Variants in SRP72 observed in about 807,000 individuals in gnomAD.
SRP72 encodes the protein signal recognition particle 72, also known as signal recognition particle subunit SRP72.
In SRP72, 49 loss-of-function variants were observed where a neutral mutation model predicts 96.3. That is an observed-to-expected ratio of 0.51 (90% CI 0.40 to 0.65). The LOEUF (loss-of-function observed/expected upper bound fraction) is 0.65, where lower values mean the gene tolerates loss of function less well. Among genes scored for constraint, SRP72 ranks in the 30% least tolerant of loss-of-function variants. The probability of loss-of-function intolerance (pLI) is 0.00; values close to 1 mark genes in which losing one functional copy is unlikely to be tolerated. For missense variants in SRP72, 736 were observed against 793.3 expected (o/e 0.93, Z 0.87); for synonymous variants, 267 against 275.2 (o/e 0.97, Z 0.30).
Position 56,467,701 on chromosome 4 carries a change from C to T in SRP72, c.66C>T (p.Gly22=), listed in dbSNP as rs367683672. The T allele has an allele frequency of 2.8e-5, 44 of 1,560,800 alleles. No homozygotes were observed. Among genetic ancestry groups the T allele is most frequent in the Admixed American group, 1.2e-4 (6 of 50,764 alleles). ...TGTGGAGTGAAGTGAACCGGTATGG[C>T]CAGAACGGCGACTTCACGCGCGCTC... The part of the protein sequence containing the change: ...PALWSEVNRY[G]QNGDFTRALK... The change falls in exon 1 of 19, where the codon GGC becomes GGT. Residue 22 remains glycine (G), a synonymous_variant. Coordinates refer to ENST00000642900, the MANE Select transcript of SRP72 (RefSeq NM_006947.4).
chr4:56,487,842 T>C, intron 11 of SRP72, 107 bp from the exon 12 acceptor site: 1 of 774,492 alleles, frequency 1.3e-6, no homozygotes, highest in South Asian at 1.7e-5. Context: ...ACATGAGTTA[T>C]GGTTGCTTTC....
At chr4:56,477,531 G>A (rs1021060594) in intron 6 of SRP72, among the ~76,000 whole-genome samples, 5 of 151,722 alleles carry the variant, frequency 3.3e-5, no homozygotes, top group Admixed American at 2.0e-4. Context: ...GGCCTCAAGC[G>A]ACCCTCCCAC....
At chr4:56,492,518 A>G (rs1057295514) in intron 16 of SRP72, among the ~76,000 whole-genome samples, 1 of 152,208 alleles carries the variant, frequency 6.6e-6, no homozygotes, top group African/African-American at 2.4e-5. Flanking sequence ...TGTGACTTTT[A>G]TAAGTTTTTG....
intron 15 of SRP72, 118 bp downstream of exon 15, chr4:56,490,763 T>A: frequency 1.2e-6 from 1 of 866,204 alleles, no homozygotes; most frequent in Non-Finnish European, 1.7e-6. Flanking sequence ...ATCCTCCTTT[T>A]AACTAGTAAA....
intron 16 of SRP72, among the ~76,000 whole-genome samples, chr4:56,494,084 G>A (rs1184978498): frequency 6.6e-6 from 1 of 152,108 alleles, no homozygotes; most frequent in African/African-American, 2.4e-5. Context: ...GTGAGCTAAG[G>A]CAGAGAAATA....
At chr4:56,470,479 G>T (rs1719930196) in intron 2 of SRP72, among the ~76,000 whole-genome samples, 1 of 151,584 alleles carries the variant, frequency 6.6e-6, no homozygotes, top group Non-Finnish European at 1.5e-5. Context: ...GGCAGAGGCT[G>T]CAGTGAGCTG....
chr4:56,485,400 CAAAAA>C (rs59208269), intron 10 of SRP72, among the ~76,000 whole-genome samples: 4 of 92,390 alleles, frequency 4.3e-5, no homozygotes, highest in Admixed American at 1.0e-4. Flanking sequence ...CTCCCCACAG[CAAAAA>C]AAAAAAAAAA....
At position 56,491,450 on chromosome 4, in the gene SRP72, T is replaced by C. The variant is rs1162210302; in HGVS notation, c.1522T>C (p.Ser508Pro). 2 of 1,613,924 alleles carry C rather than the reference T, an allele frequency of 1.2e-6. No individual in the cohort carries two copies. Among genetic ancestry groups the C allele is most frequent in the South Asian group, 2.2e-5 (2 of 91,068 alleles). The change falls in exon 16 of 19, where the codon TCG becomes CCG. Residue 508 changes from serine to proline, a missense_variant. Transcript: ENST00000642900. ...KAKALSKHLP[S>P]SDSMSLKVDV... ...TCACAGTCTTAGTAAACACTTGCCA[T>C]CGTCAGATAGTATGTCTCTAAAAGT...
chr4:56,501,831 A>G lies in SRP72; in HGVS notation c.1986A>G (p.Lys662=). Residue 662 remains lysine, a synonymous_variant, in exon 19 of 19, where the codon AAA becomes AAG. Transcript: ENST00000642900. ...CAACAAAAAAGAAACAGCAACAGAA[A>G]AAGAAGAAAGGTGGAAAAGGTGGCT... ...APATKKKQQQ[K]KKKGGKGGW 6.2e-7 allele frequency: 1 copy of G among 1,614,138 alleles called. No individual in the cohort carries two copies. Among genetic ancestry groups the G allele is most frequent in the Non-Finnish European group, 8.5e-7 (1 of 1,180,018 alleles).
Position 56,487,951 on chromosome 4 carries a change from A to G in SRP72, c.1162A>G (p.Asn388Asp). ...TMAQLKISQGNISKACLILRS... is the reference protein window; with the variant it reads ...TMAQLKISQGDISKACLILRS... ...CTGATTTTGTTTATTCTCCTAAGGT[A>G]ATATTTCTAAAGCATGTCTAATATT... The change falls in exon 12 of 19, where the codon AAT (asparagine) becomes GAT (aspartate). Residue 388 changes from asparagine (N) to aspartate (D), a missense_variant and splice_region_variant. Transcript: ENST00000642900. 6.3e-7 allele frequency: 1 copy of G among 1,596,122 alleles called. No homozygotes were observed. The highest frequency in any genetic ancestry group is 8.5e-7 in the Non-Finnish European group (1 of 1,173,186).
intron 15 of SRP72, 150 bp downstream of exon 15, chr4:56,490,795 G>T (rs1720879603): frequency 6.1e-6 from 4 of 656,222 alleles, no homozygotes; most frequent in African/African-American, 3.7e-5. Flanking sequence ...AGAATTTATT[G>T]ATCAGTGTGA....
intron 16 of SRP72, among the ~76,000 whole-genome samples, chr4:56,494,592 C>T (rs913140108): frequency 4.6e-5 from 7 of 151,984 alleles, no homozygotes; most frequent in Middle Eastern, 3.4e-3. Context: ...TTAGTAGAGA[C>T]GGGGTTTTAC....
intron 3 of SRP72, among the ~76,000 whole-genome samples, chr4:56,473,722 G>A (rs1282590438): frequency 6.6e-6 from 1 of 151,562 alleles, no homozygotes; most frequent in African/African-American, 2.4e-5. Context: ...CCAAGATCGC[G>A]CCATTGCTCT....
At chr4:56,489,559 G>T in intron 13 of SRP72, 76 bp downstream of exon 13, 2 of 824,180 alleles carry the variant, frequency 2.4e-6, no homozygotes, top group Admixed American at 2.3e-5. Flanking sequence ...AAAAATTCAG[G>T]CAAACAAGTA....
In SRP72 at chr4:56,467,741, A is replaced by T. The variant is rs763766284; in HGVS notation, c.106A>T (p.Lys36Ter). ...CACGCGCGCTCTCAAGACCGTCAATAAGAGTAAGTGTCGGGGTGGGCACTG... is the reference window on the plus strand; with the variant it reads ...CACGCGCGCTCTCAAGACCGTCAATTAGAGTAAGTGTCGGGGTGGGCACTG... ...DFTRALKTVN[K>*]ILQINKDDVT... The change falls in exon 1 of 19, where the codon AAG (lysine) becomes TAG (stop). Residue 36 changes from lysine to a stop codon, truncating the protein, a stop_gained. Coordinates refer to ENST00000642900, the MANE Select transcript of SRP72 (RefSeq NM_006947.4). LOFTEE classifies it high-confidence loss of function. The T allele has an allele frequency of 1.1e-5, 17 of 1,535,188 alleles. No individual in the cohort carries two copies. The highest frequency in any genetic ancestry group is 3.5e-6 in the Non-Finnish European group (4 of 1,145,516).
intron 17 of SRP72, among the ~76,000 whole-genome samples, chr4:56,495,646 A>C (rs962439312): frequency 5.9e-5 from 9 of 152,202 alleles, no homozygotes; most frequent in African/African-American, 2.2e-4. Flanking sequence ...TACCTGCCAG[A>C]GTTTTTCATA....
At chr4:56,473,638 G>A (rs534970905) in intron 3 of SRP72, among the ~76,000 whole-genome samples, 134 of 151,416 alleles carry the variant, frequency 8.8e-4, no homozygotes, top group Non-Finnish European at 1.2e-3. Context: ...GGTGGCGCAC[G>A]TCTGTAATCT....
At chr4:56,495,867 A>G (rs921282522) in intron 17 of SRP72, among the ~76,000 whole-genome samples, 1 of 152,226 alleles carries the variant, frequency 6.6e-6, no homozygotes, top group Non-Finnish European at 1.5e-5. Context: ...TGGTTGACTC[A>G]GTATTTTTAC....
In SRP72 at chr4:56,469,733, G is replaced by T. The variant is rs1472680556; in HGVS notation, c.190G>T (p.Ala64Ser). 1.9e-6 allele frequency: 3 copies of T among 1,612,738 alleles called. No individual in the cohort carries two copies. The highest frequency in any genetic ancestry group is 3.3e-5 in the Admixed American group (2 of 60,020). The change falls in exon 2 of 19, where the codon GCT becomes TCT. Residue 64 changes from alanine (A) to serine (S), a missense_variant. Transcript: ENST00000642900. ...TATCCAGAATGGAAGTTTCAAGGAA[G>T]CTTTGAATGTCATCAATACTCACAC... is the stretch of plus-strand genomic sequence containing the variant. Reference protein sequence around the residue: ...CLIQNGSFKEALNVINTHTKV... With the variant: ...CLIQNGSFKESLNVINTHTKV...
Sources: allele counts gnomAD v4.1 joint callset (sites outside exome capture counted in the v4.1 genomes callset), GRCh38; gene constraint gnomAD v4.1.1; transcripts MANE v1.5; gene names NCBI Gene and HGNC (gene_info 2026-07-23, HGNC 2026-07-21).